Variants in MGAT4A observed in about 807,000 individuals in gnomAD.
The protein encoded by MGAT4A is alpha-1,3-mannosyl-glycoprotein 4-beta-N-acetylglucosaminyltransferase A.
In MGAT4A, 33 loss-of-function variants were observed where a neutral mutation model predicts 74.1. The ratio of observed to expected loss-of-function variants is 0.45; its 90% CI spans 0.34 to 0.60. The LOEUF is 0.60. Among genes scored for constraint, MGAT4A ranks in the 20% least tolerant of loss-of-function variants. The pLI is 0.02. For synonymous variants in MGAT4A, 198 were observed against 210.4 expected, an observed-to-expected ratio of 0.94 and a Z score of 0.51; for missense variants, 479 against 628.3, an observed-to-expected ratio of 0.76 and a Z score of 2.54.
Position 98,620,324 on chromosome 2 carries a change from A to G in MGAT4A, c.*5242T>C, listed in dbSNP as rs918609045. ...TTTTACACACTATAAATACTGCAAC[A>G]TAACTTGGAAAAGTTCCTTTTCTAT... is the stretch of plus-strand genomic sequence containing the variant. On this transcript the variant is annotated 3_prime_UTR_variant, in exon 16 of 16. Transcript: ENST00000393487. The G allele has an allele frequency of 1.3e-5, 2 of 152,248 alleles. No homozygotes were observed. Among genetic ancestry groups the G allele is most frequent in the Non-Finnish European group, 2.9e-5 (2 of 68,034 alleles). The allele number at this position is 152,248 out of a possible 1,614,324, so 9.4% of individuals were successfully genotyped here. A position where few individuals can be genotyped will look rare whatever the true frequency, so the allele number is the denominator to read the frequency against.
At chr2:98,705,085 C>T (rs1702405514) in intron 2 of MGAT4A, among the ~76,000 whole-genome samples, 1 of 152,164 alleles carries the variant, frequency 6.6e-6, no homozygotes, top group Non-Finnish European at 1.5e-5. Flanking sequence ...CCAAGAAGCT[C>T]CCCTGAGAAG....
chr2:98,634,388 C>A (rs2104223962), intron 14 of MGAT4A, among the ~76,000 whole-genome samples: 1 of 152,016 alleles, frequency 6.6e-6, no homozygotes, highest in East Asian at 1.9e-4. Context: ...ATGTGGCTGC[C>A]CGGAGAGTGT....
chr2:98,646,033 TA>T (rs1224559670), intron 8 of MGAT4A, among the ~76,000 whole-genome samples: 4 of 152,136 alleles, frequency 2.6e-5, no homozygotes, highest in African/African-American at 9.7e-5. Context: ...TATTACAGAA[TA>T]AAAAATTATA....
At chr2:98,699,997 G>T (rs1702329126) in intron 2 of MGAT4A, among the ~76,000 whole-genome samples, 1 of 152,148 alleles carries the variant, frequency 6.6e-6, no homozygotes, top group Admixed American at 6.5e-5. Context: ...TTCTGCACGT[G>T]AGATAACATC....
chr2:98,714,612 C>A (rs922059680), intron 2 of MGAT4A, among the ~76,000 whole-genome samples: 1 of 152,046 alleles, frequency 6.6e-6, no homozygotes. Context: ...ATGAGCACAG[C>A]AAGACTCTAT....
chr2:98,689,474 G>C (rs1252852276), intron 2 of MGAT4A, among the ~76,000 whole-genome samples: 1 of 152,122 alleles, frequency 6.6e-6, no homozygotes, highest in Non-Finnish European at 1.5e-5. Context: ...GACCAAGATG[G>C]AATAGACACA....
intron 2 of MGAT4A, among the ~76,000 whole-genome samples, chr2:98,725,367 G>A (rs894007655): frequency 2.6e-5 from 4 of 151,922 alleles, no homozygotes; most frequent in African/African-American, 9.7e-5. Flanking sequence ...ATATAGACAT[G>A]GATGTAAACA....
chr2:98,663,404 A>G, intron 4 of MGAT4A: 2 of 1,503,046 alleles, frequency 1.3e-6, no homozygotes, highest in Non-Finnish European at 1.8e-6. Context: ...GATAAAAATG[A>G]AAGACATTAA....
At chr2:98,631,625 G>A (rs1701234688) in intron 14 of MGAT4A, among the ~76,000 whole-genome samples, 2 of 152,206 alleles carry the variant, frequency 1.3e-5, no homozygotes, top group Non-Finnish European at 1.5e-5. Context: ...CGCAGAATTT[G>A]GCCAGGGCAG....
rs1279548059 is a variant in MGAT4A, at chr2:98,619,541, T to C, written c.*6025A>G. Reference sequence around the variant, plus strand: ...TAAATGAAACACAATTGTTACACTTTGCTGATTTCTAAATCTTTCTTAGAA... The same window carrying C: ...TAAATGAAACACAATTGTTACACTTCGCTGATTTCTAAATCTTTCTTAGAA... On this transcript the variant is annotated 3_prime_UTR_variant, in exon 16 of 16. Transcript: ENST00000393487. 1.3e-5 allele frequency: 2 copies of C among 152,228 alleles called. No homozygotes were observed. Among genetic ancestry groups the C allele is most frequent in the East Asian group, 1.9e-4 (1 of 5,204 alleles). 9.4% of individuals were successfully genotyped at this position (152,228 alleles called of 1,614,324 possible). A position where few individuals can be genotyped will look rare whatever the true frequency, so the allele number is the denominator to read the frequency against.
At chr2:98,678,857 G>A (rs1476271848) in intron 2 of MGAT4A, among the ~76,000 whole-genome samples, 1 of 151,838 alleles carries the variant, frequency 6.6e-6, no homozygotes, top group African/African-American at 2.4e-5. Context: ...ACCAGATAGA[G>A]AGATGAGGCA....
At chr2:98,658,852 A>G (rs1701701448) in intron 5 of MGAT4A, among the ~76,000 whole-genome samples, 1 of 152,232 alleles carries the variant, frequency 6.6e-6, no homozygotes, top group African/African-American at 2.4e-5. Flanking sequence ...TCAGATCTGC[A>G]TATTTTTAAA....
intron 2 of MGAT4A, among the ~76,000 whole-genome samples, chr2:98,699,103 A>G (rs2104311468): frequency 6.6e-6 from 1 of 152,324 alleles, no homozygotes; most frequent in East Asian, 1.9e-4. Context: ...GTTTGGAAGA[A>G]ACCAGGTATG....
chr2:98,706,036 T>C (rs914744142), intron 2 of MGAT4A, among the ~76,000 whole-genome samples: 1 of 142,968 alleles, frequency 7.0e-6, no homozygotes, highest in African/African-American at 2.6e-5. Flanking sequence ...ACACTGAAAA[T>C]GAGAAAACCA....
Position 98,622,138 on chromosome 2 carries a change from C to G in MGAT4A, c.*3428G>C. The G allele has an allele frequency of 1.0e-6, 1 of 985,476 alleles. No individual in the cohort carries two copies. The highest frequency in any genetic ancestry group is 1.2e-6 in the Non-Finnish European group (1 of 829,942). 61.0% of individuals were successfully genotyped at this position (985,476 alleles called of 1,614,324 possible). A position where few individuals can be genotyped will look rare whatever the true frequency, so the allele number is the denominator to read the frequency against. ...AAATGGGTCCTCAGCTTTCTCTTCT[C>G]ACCCAAAATATTCATCATCATTTGC... On this transcript the variant is annotated 3_prime_UTR_variant, in exon 16 of 16. Transcript: ENST00000393487.
At chr2:98,653,944 A>G (rs1021000222) in intron 8 of MGAT4A, among the ~76,000 whole-genome samples, 1 of 152,232 alleles carries the variant, frequency 6.6e-6, no homozygotes, top group South Asian at 2.1e-4. Context: ...ATGCACATTA[A>G]AAGAATTATA....
chr2:98,690,293 G>A (rs1575270482), intron 2 of MGAT4A, among the ~76,000 whole-genome samples: 1 of 152,190 alleles, frequency 6.6e-6, no homozygotes, highest in Non-Finnish European at 1.5e-5. Flanking sequence ...CCAGTAATGA[G>A]CCTCCTGGTG....
At chr2:98,635,894 A>C (rs1454959081) in intron 13 of MGAT4A, among the ~76,000 whole-genome samples, 2 of 150,076 alleles carry the variant, frequency 1.3e-5, no homozygotes, top group Non-Finnish European at 3.0e-5. Context: ...AGGCTGAGGC[A>C]GGAGAATCAC....
chr2:98,705,619 G>A (rs1702414448), intron 2 of MGAT4A, among the ~76,000 whole-genome samples: 1 of 152,176 alleles, frequency 6.6e-6, no homozygotes, highest in South Asian at 2.1e-4. Flanking sequence ...CAATTGATTA[G>A]GTGATTGTGG....
Sources: gnomAD v4.1 joint callset for allele counts (sites outside exome capture counted in the v4.1 genomes callset) on GRCh38, gnomAD v4.1.1 for gene constraint, MANE v1.5 for transcripts, NCBI Gene and HGNC (gene_info 2026-07-23, HGNC 2026-07-21) for gene names.